Variants in BRWD1 observed in about 807,000 individuals in gnomAD.
The protein encoded by BRWD1 is bromodomain and WD repeat-containing protein 1.
A neutral mutation model predicts 251.2 loss-of-function variants in BRWD1; 82 were observed. The ratio of observed to expected loss-of-function variants is 0.33; its 90% CI spans 0.27 to 0.39. The LOEUF is 0.39. BRWD1 is among the 10% of genes least tolerant of loss of function. BRWD1 has a pLI of 1.00. For missense variants in BRWD1, 2,233 were observed against 2,711.6 expected, an observed-to-expected ratio of 0.82 and a Z score of 3.92; for synonymous variants, 918 against 902.8, an observed-to-expected ratio of 1.02 and a Z score of -0.30.
At chr21:39,220,999 A>G (rs983201077) in intron 29 of BRWD1, among the ~76,000 whole-genome samples, 2 of 152,062 alleles carry the variant, frequency 1.3e-5, no homozygotes, top group Non-Finnish European at 2.9e-5. Flanking sequence ...TACTAAAAAT[A>G]CAAAAACTAG....
chr21:39,314,657 GCAGTAACACT>G, upstream of BRWD1: 1 of 313,944 alleles, frequency 3.2e-6, no homozygotes, highest in Admixed American at 4.5e-5. Flanking sequence ...CTAAAGTACA[GCAGTAACACT>G]CAGTGGTGTC....
At chr21:39,290,538 T>C (rs1273642607) in intron 8 of BRWD1, among the ~76,000 whole-genome samples, 1 of 150,656 alleles carries the variant, frequency 6.6e-6, no homozygotes, top group East Asian at 1.9e-4. Context: ...ATTGTTCAGA[T>C]ATATTCAGTA....
At position 39,193,148 on chromosome 21, in the gene BRWD1, T is replaced by G; in HGVS notation, c.*3111A>C. The stretch of plus-strand genomic sequence containing the variant: ...GTTTTGAAGTGCTTTTTCTTAAAAC[T>G]TAAGTTCTTTGCCTCCATTTTCTTA... On this transcript the variant is annotated 3_prime_UTR_variant, in exon 41 of 41. Coordinates refer to ENST00000342449, the MANE Select transcript of BRWD1 (RefSeq NM_033656.4). The G allele has an allele frequency of 1.0e-6, 1 of 985,172 alleles. No homozygotes were observed. The highest frequency in any genetic ancestry group is 1.2e-6 in the Non-Finnish European group (1 of 829,738). The allele number at this position is 985,172 out of a possible 1,614,324, so 61.0% of individuals were successfully genotyped here.
intron 4 of BRWD1, among the ~76,000 whole-genome samples, chr21:39,301,948 T>A (rs1217356119): frequency 6.8e-6 from 1 of 146,610 alleles, no homozygotes; most frequent in East Asian, 2.0e-4. Flanking sequence ...GAAGTCACTG[T>A]CAACAAACCT....
intron 22 of BRWD1, among the ~76,000 whole-genome samples, chr21:39,237,360 G>A (rs1210895558): frequency 6.6e-6 from 1 of 151,840 alleles, no homozygotes; most frequent in Non-Finnish European, 1.5e-5. Flanking sequence ...AGTCAAAGAG[G>A]AAACTAGTTA....
Position 39,291,129 on chromosome 21 carries a change from C to T in BRWD1, c.831+2682G>A, listed in dbSNP as rs565619332. Reference sequence around the variant, plus strand: ...AAAAACAAAAAACAAAAACAAAAACCGCTATCTCAGTTATAACTATCTTCA... The same window carrying T: ...AAAAACAAAAAACAAAAACAAAAACTGCTATCTCAGTTATAACTATCTTCA... On this transcript the variant is annotated intron_variant, in intron 8 of 40. Transcript: ENST00000342449. 2.0e-5 allele frequency among the ~76,000 whole-genome samples: 3 copies of T among 152,196 alleles called. No homozygotes were observed. In the South Asian group the frequency reaches 6.2e-4, roughly 32 times the overall value.
intron 21 of BRWD1, among the ~76,000 whole-genome samples, chr21:39,245,916 T>A (rs1371068300): frequency 6.6e-6 from 1 of 152,090 alleles, no homozygotes; most frequent in African/African-American, 2.4e-5. Flanking sequence ...AAATACTCTT[T>A]ACCAAAAAAG....
intron 37 of BRWD1, among the ~76,000 whole-genome samples, chr21:39,203,438 C>CTTTTTTTTT (rs71330353): frequency 0.037 from 2,514 of 67,672 alleles, 302 homozygotes; most frequent in Non-Finnish European, 0.056. Context: ...GACCCTGGTT[C>CTTTTTTTTT]TTTTTTTTTT....
chr21:39,193,741 C>A lies in BRWD1; in HGVS notation c.*2518G>T. ...AAGAATACTACAAACTGACCCTAAA[C>A]ATTAAAGTACACCTGTGCATTAAAT... is the stretch of plus-strand genomic sequence containing the variant. On this transcript the variant is annotated 3_prime_UTR_variant, in exon 41 of 41. Coordinates refer to ENST00000342449, the MANE Select transcript of BRWD1 (RefSeq NM_033656.4). The A allele has an allele frequency of 1.0e-6, 1 of 985,522 alleles. No homozygotes were observed. The highest frequency in any genetic ancestry group is 1.2e-6 in the Non-Finnish European group (1 of 829,698). 61.0% of individuals were successfully genotyped at this position (985,522 alleles called of 1,614,324 possible).
At chr21:39,199,933 G>A (rs1006339738) in intron 39 of BRWD1, among the ~76,000 whole-genome samples, 1 of 152,102 alleles carries the variant, frequency 6.6e-6, no homozygotes, top group Non-Finnish European at 1.5e-5. Context: ...TGTATTTTTA[G>A]TAGAGACAAG....
intron 15 of BRWD1, among the ~76,000 whole-genome samples, chr21:39,268,453 A>AT (rs1294312711): frequency 1.3e-5 from 2 of 151,022 alleles, no homozygotes; most frequent in African/African-American, 2.4e-5. Context: ...AAAAAAAAAA[A>AT]AAAAAAATTA....
At position 39,192,014 on chromosome 21, in the gene BRWD1, T is replaced by C; in HGVS notation, c.*4245A>G. ...AGCCTGCAGATTGGTAGAATCCAAA[T>C]GATGTGACTCTCCCCCTCCCTCCAT... On this transcript the variant is annotated 3_prime_UTR_variant, in exon 41 of 41. Coordinates refer to ENST00000342449, the MANE Select transcript of BRWD1 (RefSeq NM_033656.4). 2.0e-6 allele frequency: 2 copies of C among 984,986 alleles called. No individual in the cohort carries two copies. Among genetic ancestry groups the C allele is most frequent in the Non-Finnish European group, 2.4e-6 (2 of 829,588 alleles). 61.0% of individuals were successfully genotyped at this position (984,986 alleles called of 1,614,324 possible).
rs867810025 is a variant in BRWD1 at position 39,238,802 on chromosome 21, A to G, written c.2482-229T>C. Among the ~76,000 whole-genome samples the G allele has an allele frequency of 1.7e-4, 26 of 152,344 alleles. No individual in the cohort carries two copies. The Middle Eastern group carries it at 0.031, about 179-fold the overall frequency. ...AACATCCGTAAGATTTAACACTACC[A>G]CCATTAGCAAAGAAAGTGATACAAC... On this transcript the variant is annotated intron_variant, in intron 21 of 40. Transcript: ENST00000342449.
At chr21:39,215,977 G>A (rs1313756012) in intron 31 of BRWD1, among the ~76,000 whole-genome samples, 7 of 131,506 alleles carry the variant, frequency 5.3e-5, no homozygotes, top group Non-Finnish European at 8.0e-5. Context: ...TCCAGCCTGG[G>A]TGACAGAGCA....
chr21:39,202,050 A>C (rs949877261), intron 38 of BRWD1, among the ~76,000 whole-genome samples: 1 of 147,756 alleles, frequency 6.8e-6, no homozygotes, highest in African/African-American at 2.7e-5. Flanking sequence ...TTTAAATTAA[A>C]AAGATACAAA....
At chr21:39,214,918 G>A (rs1444195372) in intron 32 of BRWD1, among the ~76,000 whole-genome samples, 1 of 102,666 alleles carries the variant, frequency 9.7e-6, no homozygotes, top group Non-Finnish European at 1.9e-5. Flanking sequence ...TTTTGCTCTT[G>A]TTACTCAGGC....
intron 19 of BRWD1, among the ~76,000 whole-genome samples, chr21:39,251,773 C>G (rs960265735): frequency 5.3e-5 from 8 of 152,158 alleles, no homozygotes. Flanking sequence ...AGATTTTCAG[C>G]TTGCAGCCAA....
At chr21:39,228,449 A>G (rs1157260862) in intron 27 of BRWD1, 51 bp downstream of exon 27, 4 of 1,291,732 alleles carry the variant, frequency 3.1e-6, no homozygotes, top group South Asian at 1.2e-5. Flanking sequence ...GTAGACCAAT[A>G]AAACAGATTA....
chr21:39,306,119 G>C (rs1376001836), intron 4 of BRWD1, among the ~76,000 whole-genome samples: 2 of 151,006 alleles, frequency 1.3e-5, no homozygotes, highest in East Asian at 3.9e-4. Context: ...CACCAGGCTG[G>C]AGTGCAGTGG....
Sources: gnomAD v4.1 joint callset for allele counts (sites outside exome capture counted in the v4.1 genomes callset) on GRCh38, gnomAD v4.1.1 for gene constraint, MANE v1.5 for transcripts, NCBI Gene and HGNC (gene_info 2026-07-23, HGNC 2026-07-21) for gene names.